Variants in EDAR observed in about 807,000 individuals in gnomAD.
EDAR encodes the protein ectodysplasin A receptor, also known as tumor necrosis factor receptor superfamily member EDAR.
A neutral mutation model predicts 51.3 loss-of-function variants in EDAR; 38 were observed. The ratio of observed to expected loss-of-function variants is 0.74; its 90% CI spans 0.57 to 0.97. The LOEUF is 0.97. Among genes scored for constraint, EDAR ranks in the 50% least tolerant of loss-of-function variants. The pLI is 0.00. For missense variants in EDAR, 528 were observed against 595.0 expected, an observed-to-expected ratio of 0.89 and a Z score of 1.17; for synonymous variants, 227 against 242.1, an observed-to-expected ratio of 0.94 and a Z score of 0.58.
chr2:108,905,829 C>A (rs1193618438), intron 11 of EDAR, among the ~76,000 whole-genome samples: 1 of 150,472 alleles, frequency 6.6e-6, no homozygotes, highest in Non-Finnish European at 1.5e-5. Context: ...TATGGGGAGA[C>A]AGCCTGACTT....
intron 5 of EDAR, among the ~76,000 whole-genome samples, chr2:108,919,175 C>G (rs1697083868): frequency 6.6e-6 from 1 of 152,166 alleles, no homozygotes. Context: ...GCAGTGCTTG[C>G]TGTTTAGTGT....
At chr2:108,957,702 C>T (rs907344993) in intron 1 of EDAR, among the ~76,000 whole-genome samples, 1 of 152,214 alleles carries the variant, frequency 6.6e-6, no homozygotes, top group Non-Finnish European at 1.5e-5. Flanking sequence ...TTCACCGGGC[C>T]TACCAGGCGA....
intron 1 of EDAR, among the ~76,000 whole-genome samples, chr2:108,982,239 A>T (rs1017494492): frequency 3.3e-5 from 5 of 152,216 alleles, no homozygotes; most frequent in African/African-American, 1.2e-4. Context: ...GTTCCAGGGT[A>T]AACAGGAAAG....
chr2:108,962,399 C>T (rs260687), intron 1 of EDAR, among the ~76,000 whole-genome samples: 107,466 of 152,086 alleles, frequency 0.71, 43,878 homozygotes, highest in Non-Finnish European at 0.94. Flanking sequence ...ATCGGCCAGA[C>T]GCGGTGGCTC....
chr2:108,919,131 T>C (rs537226528), intron 5 of EDAR, among the ~76,000 whole-genome samples: 23 of 152,106 alleles, frequency 1.5e-4, no homozygotes, highest in Non-Finnish European at 2.8e-4. Context: ...CGCCGGTGTC[T>C]GGGAGGCTGG....
Position 108,897,222 on chromosome 2 carries a change from G to A in EDAR, c.1032C>T (p.Ser344=). The change falls in exon 12 of 12, where the codon AGC becomes AGT. Residue 344 remains serine (S), a synonymous_variant. Coordinates refer to ENST00000258443, the MANE Select transcript of EDAR (RefSeq NM_022336.4). ...ANVCGVVEGL[S]PTELPFDCLE... ...GGCAATCAAATGGCAGCTCCGTGGG[G>A]CTAAGACCTACAGACACCAATGGCC... The A allele has an allele frequency of 6.2e-7, 1 of 1,613,630 alleles. No homozygotes were observed. The highest frequency in any genetic ancestry group is 8.5e-7 in the Non-Finnish European group (1 of 1,179,992).
intron 11 of EDAR, among the ~76,000 whole-genome samples, chr2:108,901,218 G>C (rs574351753): frequency 9.9e-5 from 15 of 152,192 alleles, no homozygotes; most frequent in African/African-American, 3.6e-4. Flanking sequence ...TTGAAAACCA[G>C]ACAACAGTCT....
intron 1 of EDAR, among the ~76,000 whole-genome samples, chr2:108,984,596 C>T (rs772135847): frequency 7.2e-5 from 11 of 152,180 alleles, no homozygotes; most frequent in African/African-American, 1.2e-4. Flanking sequence ...CACTCCCTCA[C>T]TTCATCCAGG....
chr2:108,950,702 G>C (rs1446252744), intron 1 of EDAR, among the ~76,000 whole-genome samples: 1 of 152,184 alleles, frequency 6.6e-6, no homozygotes, highest in African/African-American at 2.4e-5. Flanking sequence ...CCCTGCCCTT[G>C]CTCCCTTCAT....
chr2:108,978,064 C>G (rs1298326975), intron 1 of EDAR, among the ~76,000 whole-genome samples: 1 of 152,200 alleles, frequency 6.6e-6, no homozygotes, highest in African/African-American at 2.4e-5. Context: ...CTTCTCCCGA[C>G]AAATGGCACT....
In EDAR at chr2:108,962,413, C is replaced by A. The variant is rs149582430; in HGVS notation, c.-19+26547G>T. On this transcript the variant is annotated intron_variant, in intron 1 of 11. Transcript: ENST00000258443. Reference sequence around the variant, plus strand: ...AATCGGCCAGACGCGGTGGCTCACGCCTGTAATCCCAGCACTTTGGGAGGC... The same window carrying A: ...AATCGGCCAGACGCGGTGGCTCACGACTGTAATCCCAGCACTTTGGGAGGC... Among the ~76,000 whole-genome samples the A allele has an allele frequency of 9.9e-5, 15 of 152,216 alleles. No homozygotes were observed. In the East Asian group the frequency reaches 2.9e-3, roughly 29 times the overall value.
chr2:108,955,837 T>C (rs1165410863), intron 1 of EDAR, among the ~76,000 whole-genome samples: 1 of 152,118 alleles, frequency 6.6e-6, no homozygotes, highest in Non-Finnish European at 1.5e-5. Context: ...CCATCCTGGC[T>C]AACACGGCGA....
intron 5 of EDAR, among the ~76,000 whole-genome samples, chr2:108,915,828 C>T (rs1483442700): frequency 1.3e-5 from 2 of 151,694 alleles, no homozygotes; most frequent in Admixed American, 1.3e-4. Context: ...ACCCGGGAGG[C>T]GGAGGTTGCA....
intron 4 of EDAR, 49 bp from the exon 5 acceptor site, chr2:108,923,502 C>T (rs1326930074): frequency 6.4e-7 from 1 of 1,574,100 alleles, no homozygotes; most frequent in Non-Finnish European, 8.7e-7. Context: ...CTGGACAGCA[C>T]ACAGGCAGGG....
intron 1 of EDAR, among the ~76,000 whole-genome samples, chr2:108,978,426 T>C (rs2104464557): frequency 6.6e-6 from 1 of 152,324 alleles, no homozygotes; most frequent in South Asian, 2.1e-4. Context: ...TCTGCGTGTC[T>C]TTGCTAATCT....
intron 1 of EDAR, among the ~76,000 whole-genome samples, chr2:108,958,007 C>T (rs541512852): frequency 6.6e-6 from 1 of 152,196 alleles, no homozygotes; most frequent in South Asian, 2.1e-4. Flanking sequence ...TTTAAGCAGC[C>T]CTTTGGATTA....
intron 1 of EDAR, among the ~76,000 whole-genome samples, chr2:108,961,256 C>T (rs918160799): frequency 6.6e-6 from 1 of 152,226 alleles, no homozygotes; most frequent in Non-Finnish European, 1.5e-5. Context: ...GGAAAGGGAA[C>T]AGTTGCCAGT....
intron 1 of EDAR, among the ~76,000 whole-genome samples, chr2:108,967,392 A>G (rs1468160146): frequency 6.6e-6 from 1 of 152,190 alleles, no homozygotes; most frequent in Non-Finnish European, 1.5e-5. Context: ...TGTGCTGTAG[A>G]AAATGGTTTG....
intron 1 of EDAR, among the ~76,000 whole-genome samples, chr2:108,965,164 G>A (rs1026606456): frequency 6.6e-6 from 1 of 152,028 alleles, no homozygotes; most frequent in African/African-American, 2.4e-5. Flanking sequence ...TGTCCAAAGT[G>A]TCATGATTAT....
Sources: allele counts gnomAD v4.1 joint callset (sites outside exome capture counted in the v4.1 genomes callset), GRCh38; gene constraint gnomAD v4.1.1; transcripts MANE v1.5; gene names NCBI Gene and HGNC (gene_info 2026-07-23, HGNC 2026-07-21).